The following YARS1 variants were observed in gnomAD, a reference collection of about 807,000 sequenced individuals.
YARS1 encodes the protein tyrosyl-tRNA synthetase 1, also known as tyrosine--tRNA ligase, cytoplasmic.
In YARS1, 36 loss-of-function variants were observed where a neutral mutation model predicts 62.2. The observed-to-expected ratio is 0.58, with a 90% CI of 0.44 to 0.76. The LOEUF (loss-of-function observed/expected upper bound fraction) is 0.76. YARS1 is among the 30% of genes least tolerant of loss of function. The probability of loss-of-function intolerance (pLI) is 0.00; values close to 1 mark genes in which losing one functional copy is unlikely to be tolerated. For missense variants in YARS1, 524 were observed against 639.8 expected (o/e 0.82, Z 1.95); for synonymous variants, 234 against 244.9 (o/e 0.96, Z 0.42).
At chr1:32,786,804 A>T in intron 7 of YARS1, 136 bp downstream of exon 7, 2 of 1,174,826 alleles carry the variant, frequency 1.7e-6, no homozygotes, top group Non-Finnish European at 2.4e-6. Flanking sequence ...TTCATACTTT[A>T]ATATATAAGA....
At chr1:32,814,906 T>C (rs1638667727) in intron 1 of YARS1, among the ~76,000 whole-genome samples, 1 of 152,222 alleles carries the variant, frequency 6.6e-6, no homozygotes, top group Non-Finnish European at 1.5e-5. Flanking sequence ...GATAGACTGC[T>C]GGTTTGAATC....
At chr1:32,792,114 G>C (rs1653429737) in intron 5 of YARS1, among the ~76,000 whole-genome samples, 1 of 152,222 alleles carries the variant, frequency 6.6e-6, no homozygotes, top group Non-Finnish European at 1.5e-5. Flanking sequence ...ATACCAGGAA[G>C]TCTGGCAGAG....
At chr1:32,797,995 C>T (rs980339879) in intron 4 of YARS1, 152 bp from the exon 5 acceptor site, 3 of 666,354 alleles carry the variant, frequency 4.5e-6, no homozygotes, top group Non-Finnish European at 8.1e-6. Flanking sequence ...CTCAGCCTCC[C>T]GAGTAGTTGG....
rs750454629 is a variant in YARS1, at chr1:32,776,004, G to A, written c.1564C>T (p.Leu522=). ...GGCTAGCTAATGTTCCCCCCTTTCA[G>A]CGATTTACAGGAAATGGAGCCCAGC... ...TKLGSISCKS[L]KGGNIS is the part of the protein sequence containing the mutation. Residue 522 remains leucine (L), a synonymous_variant, in exon 13 of 13, where the codon CTG becomes TTG. Transcript: ENST00000373477. This position sits in a 1 kb window ranked among gnomAD's most constrained non-coding sequence, Gnocchi z 4.0. 10 of 1,614,158 alleles carry A rather than the reference G, an allele frequency of 6.2e-6. No homozygotes were observed. Among genetic ancestry groups the A allele is most frequent in the Non-Finnish European group, 8.5e-6 (10 of 1,180,028 alleles).
intron 10 of YARS1, 116 bp from the exon 11 acceptor site, chr1:32,780,394 C>T: frequency 1.7e-6 from 2 of 1,201,296 alleles, no homozygotes; most frequent in Non-Finnish European, 2.4e-6. Context: ...CTGGAAAGAC[C>T]CCCTAGAGCT....
chr1:32,809,002 G>A (rs1348046462), intron 3 of YARS1, among the ~76,000 whole-genome samples: 1 of 152,178 alleles, frequency 6.6e-6, no homozygotes, highest in Non-Finnish European at 1.5e-5. Flanking sequence ...TAGATTAAGT[G>A]TAAAAATGAA....
chr1:32,795,937 A>G (rs1042896335), intron 5 of YARS1, among the ~76,000 whole-genome samples: 2 of 152,142 alleles, frequency 1.3e-5, no homozygotes, highest in African/African-American at 4.8e-5. Context: ...AAAACAAGGT[A>G]TGGGCCAAAT....
intron 8 of YARS1, among the ~76,000 whole-genome samples, chr1:32,784,173 A>G (rs1423001693): frequency 1.3e-5 from 2 of 149,288 alleles, no homozygotes; most frequent in Non-Finnish European, 3.0e-5. Flanking sequence ...GCTGGCCAGT[A>G]TTTTGATTTT....
chr1:32,781,645 C>T (rs563126215), intron 9 of YARS1: 26 of 174,098 alleles, frequency 1.5e-4, no homozygotes, highest in South Asian at 2.7e-4. Flanking sequence ...CTTAGCATTA[C>T]GCACAAGTGG....
intron 6 of YARS1, 112 bp downstream of exon 6, chr1:32,791,050 T>C: frequency 9.6e-7 from 1 of 1,043,586 alleles, no homozygotes; most frequent in Non-Finnish European, 1.5e-6. Context: ...TAAGGCTCCT[T>C]CTAACTCAAA....
intron 4 of YARS1, among the ~76,000 whole-genome samples, chr1:32,799,290 T>C (rs1653701669): frequency 6.6e-6 from 1 of 152,120 alleles, no homozygotes; most frequent in Non-Finnish European, 1.5e-5. Flanking sequence ...GTAAAGACCA[T>C]GAAATGTCAT....
intron 6 of YARS1, among the ~76,000 whole-genome samples, chr1:32,788,664 T>C (rs903115906): frequency 2.6e-5 from 4 of 152,014 alleles, no homozygotes; most frequent in African/African-American, 4.8e-5. Context: ...CTCCCGACCT[T>C]AGGTGATTCA....
At chr1:32,786,490 T>C (rs1653233830) in intron 7 of YARS1, 43 bp from the exon 8 acceptor site, 7 of 1,543,544 alleles carry the variant, frequency 4.5e-6, no homozygotes, top group South Asian at 1.1e-5. Flanking sequence ...ATTGACAGCA[T>C]TCCTAGCTCA....
chr1:32,810,249 A>G (rs1423989708), intron 3 of YARS1, among the ~76,000 whole-genome samples: 1 of 152,158 alleles, frequency 6.6e-6, no homozygotes, highest in Non-Finnish European at 1.5e-5. Context: ...TTTCTTTCAC[A>G]TTTCTTTTAT....
Position 32,807,515 on chromosome 1 carries a change from G to A in YARS1, c.381-904C>T, listed in dbSNP as rs548817575. 1.6e-4 allele frequency among the ~76,000 whole-genome samples: 24 copies of A among 151,876 alleles called. No individual in the cohort carries two copies. The South Asian group carries it at 5.0e-3, about 32-fold the overall frequency. On this transcript the variant is annotated intron_variant, in intron 3 of 12. Transcript: ENST00000373477. ...TCTGTCACCTGGGCTGGAACACAGT[G>A]GTGTGATCACAGCTCATTGCAGCCT...
chr1:32,803,900 T>C (rs547816844), intron 4 of YARS1, among the ~76,000 whole-genome samples: 35 of 152,274 alleles, frequency 2.3e-4, no homozygotes, highest in African/African-American at 7.9e-4. Flanking sequence ...TTCCGCAGTG[T>C]TTGTGTCCCT....
At chr1:32,794,314 C>T (rs1653504159) in intron 5 of YARS1, among the ~76,000 whole-genome samples, 2 of 152,008 alleles carry the variant, frequency 1.3e-5, no homozygotes, top group South Asian at 4.2e-4. Context: ...CATGCCGCTG[C>T]CCTTCAGCCT....
intron 3 of YARS1, among the ~76,000 whole-genome samples, chr1:32,809,562 G>A (rs1638535863): frequency 6.6e-6 from 1 of 152,032 alleles, no homozygotes; most frequent in Non-Finnish European, 1.5e-5. Flanking sequence ...AGCCCTAATT[G>A]TATCAACAGT....
chr1:32,802,388 C>T (rs1638322960), intron 4 of YARS1, among the ~76,000 whole-genome samples: 2 of 152,084 alleles, frequency 1.3e-5, no homozygotes, highest in African/African-American at 4.8e-5. Context: ...CCATGAATCA[C>T]GAATATTCTT....
Sources: allele counts gnomAD v4.1 joint callset (sites outside exome capture counted in the v4.1 genomes callset), GRCh38; gene constraint gnomAD v4.1.1; non-coding constraint Gnocchi (gnomAD v3.1); transcripts MANE v1.5; gene names NCBI Gene and HGNC (gene_info 2026-07-23, HGNC 2026-07-21).